Variants in IL1RAPL1 observed in about 807,000 individuals in gnomAD.
IL1RAPL1 encodes the protein interleukin 1 receptor accessory protein like 1.
A neutral mutation model predicts 48.4 loss-of-function variants in IL1RAPL1; 3 were observed. The observed-to-expected ratio is 0.06, with a 90% CI of 0.03 to 0.16. The LOEUF (loss-of-function observed/expected upper bound fraction) is 0.16. Among genes scored for constraint, IL1RAPL1 ranks in the 10% least tolerant of loss-of-function variants. The probability of loss-of-function intolerance (pLI) is 1.00; values close to 1 mark genes in which losing one functional copy is unlikely to be tolerated. For synonymous variants in IL1RAPL1, 185 were observed against 187.7 expected (o/e 0.99, Z 0.12); for missense variants, 349 against 530.6 (o/e 0.66, Z 3.36).
At chrX:29,625,476 AC>A (rs1396342917) in intron 5 of IL1RAPL1, among the ~76,000 whole-genome samples, 4 of 111,899 alleles carry the variant, frequency 3.6e-5, no homozygotes, top group Non-Finnish European at 7.5e-5. Context: ...TTGGACAAAT[AC>A]CTCCTTATTA....
At chrX:29,230,415 G>A (rs762357583) in intron 2 of IL1RAPL1, among the ~76,000 whole-genome samples, 21 of 97,859 alleles carry the variant, frequency 2.1e-4, no homozygotes, top group Non-Finnish European at 3.4e-4. Context: ...ATTCTCAGGC[G>A]TCTGCTCCCC....
intron 2 of IL1RAPL1, among the ~76,000 whole-genome samples, chrX:29,088,710 A>G (rs969307253): frequency 9.3e-6 from 1 of 107,234 alleles, no homozygotes; most frequent in Non-Finnish European, 1.9e-5. Flanking sequence ...AGAAAAATGC[A>G]CTACTGTAGA....
intron 6 of IL1RAPL1, among the ~76,000 whole-genome samples, chrX:29,837,117 G>T (rs1394007776): frequency 9.4e-6 from 1 of 106,783 alleles, no homozygotes; most frequent in African/African-American, 3.4e-5. Context: ...AACAAAATTA[G>T]CCAGGCGTGG....
chrX:28,727,778 A>G (rs1292494436), intron 1 of IL1RAPL1, among the ~76,000 whole-genome samples: 2 of 111,226 alleles, frequency 1.8e-5, no homozygotes, highest in African/African-American at 3.3e-5. Flanking sequence ...CCTTTTCTGC[A>G]TCTATTGAGA....
chrX:28,615,690 C>T (rs1413356042), intron 1 of IL1RAPL1, among the ~76,000 whole-genome samples: 3 of 110,660 alleles, frequency 2.7e-5, no homozygotes, highest in Non-Finnish European at 5.7e-5. Context: ...CTCTTAAATG[C>T]GAGTCGCTTA....
intron 2 of IL1RAPL1, among the ~76,000 whole-genome samples, chrX:28,955,226 A>T (rs769739772): frequency 3.6e-5 from 4 of 111,697 alleles, no homozygotes; most frequent in African/African-American, 1.3e-4. Flanking sequence ...TGATATAATG[A>T]CGGATATATG....
intron 5 of IL1RAPL1, among the ~76,000 whole-genome samples, chrX:29,656,410 C>T (rs868744557): frequency 6.3e-5 from 7 of 110,615 alleles, no homozygotes; most frequent in African/African-American, 9.9e-5. Flanking sequence ...TCTTTAATCC[C>T]GCACTCCCCT....
At chrX:29,005,502 A>C (rs1925956377) in intron 2 of IL1RAPL1, among the ~76,000 whole-genome samples, 1 of 111,954 alleles carries the variant, frequency 8.9e-6, no homozygotes, top group Non-Finnish European at 1.9e-5. Flanking sequence ...GCCCTTGAAA[A>C]ACAAGTCTTC....
chrX:29,938,046 T>C (rs1036767069), intron 8 of IL1RAPL1, among the ~76,000 whole-genome samples: 1 of 111,522 alleles, frequency 9.0e-6, no homozygotes, highest in African/African-American at 3.3e-5. Context: ...AACCCTGCTC[T>C]CTTTTTCTTA....
At chrX:28,712,474 T>C (rs1385853521) in intron 1 of IL1RAPL1, among the ~76,000 whole-genome samples, 1 of 111,609 alleles carries the variant, frequency 9.0e-6, no homozygotes, top group Non-Finnish European at 1.9e-5. Flanking sequence ...TTTTTGTTTG[T>C]ATTTTAGCAA....
At chrX:29,861,335 A>G (rs1209601761) in intron 6 of IL1RAPL1, among the ~76,000 whole-genome samples, 1 of 111,534 alleles carries the variant, frequency 9.0e-6, no homozygotes, top group Non-Finnish European at 1.9e-5. Flanking sequence ...GAGAAATGCA[A>G]TCCAAATCTC....
chrX:28,983,674 A>G (rs1460700998), intron 2 of IL1RAPL1, among the ~76,000 whole-genome samples: 1 of 112,114 alleles, frequency 8.9e-6, no homozygotes. Context: ...ATAAACAAAA[A>G]TCACAAGGTA....
At chrX:28,702,842 G>GTTT (rs34611882) in intron 1 of IL1RAPL1, among the ~76,000 whole-genome samples, 35 of 105,174 alleles carry the variant, frequency 3.3e-4, no homozygotes, top group African/African-American at 1.1e-3. Context: ...TCCATGTTGT[G>GTTT]TTTTTTTTTT....
chrX:29,566,431 T>TA (rs780541611), intron 5 of IL1RAPL1, among the ~76,000 whole-genome samples: 6,686 of 107,708 alleles, frequency 0.062, 560 homozygotes, highest in African/African-American at 0.22. Flanking sequence ...CTCCATCTCA[T>TA]AAAAAAAAAA....
chrX:29,119,219 A>C (rs1041103944), intron 2 of IL1RAPL1, among the ~76,000 whole-genome samples: 1 of 111,422 alleles, frequency 9.0e-6, no homozygotes, highest in Non-Finnish European at 1.9e-5. Flanking sequence ...TTTAAATAAT[A>C]AAAGAACACA....
At chrX:29,014,743 T>C (rs191920900) in intron 2 of IL1RAPL1, among the ~76,000 whole-genome samples, 1 of 112,102 alleles carries the variant, frequency 8.9e-6, no homozygotes, top group African/African-American at 3.2e-5. Flanking sequence ...CCCCAAACAG[T>C]GAAATTTTCA....
Position 29,098,388 on chromosome X carries a change from G to T in IL1RAPL1, c.83-184550G>T, listed in dbSNP as rs904222917. 2.7e-5 allele frequency among the ~76,000 whole-genome samples: 3 copies of T among 111,444 alleles called. No homozygotes were observed. In the Admixed American group the frequency reaches 2.9e-4, roughly 11 times the overall value. On this transcript the variant is annotated intron_variant, in intron 2 of 10. Coordinates refer to ENST00000378993, the MANE Select transcript of IL1RAPL1 (RefSeq NM_014271.4). ...GTTTAAACACATATTGACCTCCATGGTTACCCTGTTCACCTTTTGTGTCAA... is the reference window on the plus strand; with the variant it reads ...GTTTAAACACATATTGACCTCCATGTTTACCCTGTTCACCTTTTGTGTCAA...
intron 1 of IL1RAPL1, among the ~76,000 whole-genome samples, chrX:28,589,536 C>T (rs963406137): frequency 9.0e-6 from 1 of 111,352 alleles, no homozygotes; most frequent in Non-Finnish European, 1.9e-5. Flanking sequence ...AATGAGTCTG[C>T]GATGTTTCAG....
chrX:29,932,529 CA>C (rs1932964033), intron 8 of IL1RAPL1, among the ~76,000 whole-genome samples: 1 of 111,985 alleles, frequency 8.9e-6, no homozygotes, highest in Non-Finnish European at 1.9e-5. Context: ...TCACATCACA[CA>C]TTCATTTTCC....
Sources: gnomAD v4.1 joint callset for allele counts (sites outside exome capture counted in the v4.1 genomes callset) on GRCh38, gnomAD v4.1.1 for gene constraint, MANE v1.5 for transcripts, NCBI Gene and HGNC (gene_info 2026-07-23, HGNC 2026-07-21) for gene names.